The following CREB1 variants were observed in gnomAD, a reference collection of about 807,000 sequenced individuals.
CREB1 encodes the protein cyclic AMP-responsive element-binding protein 1.
CREB1 carries 2 observed loss-of-function variants against 42.0 expected under a neutral mutation model. The observed-to-expected ratio is 0.05, with a 90% CI of 0.02 to 0.15. The LOEUF (loss-of-function observed/expected upper bound fraction) is 0.15, where lower values mean the gene tolerates loss of function less well. Among genes scored for constraint, CREB1 ranks in the 10% least tolerant of loss-of-function variants. The pLI is 1.00. For missense variants in CREB1, 199 were observed against 388.9 expected, an observed-to-expected ratio of 0.51 and a Z score of 4.11; for synonymous variants, 123 against 139.9, an observed-to-expected ratio of 0.88 and a Z score of 0.85.
intron 7 of CREB1, among the ~76,000 whole-genome samples, chr2:207,585,523 C>T (rs1158086341): frequency 6.6e-6 from 1 of 152,176 alleles, no homozygotes; most frequent in East Asian, 1.9e-4. Context: ...ACATAAAATA[C>T]TGAGGAAACA....
At chr2:207,533,705 A>AT (rs889441409) in intron 1 of CREB1, among the ~76,000 whole-genome samples, 184 of 148,668 alleles carry the variant, frequency 1.2e-3, no homozygotes, top group African/African-American at 3.2e-3. Context: ...AAAATGCAGG[A>AT]TTTTTTTTTT....
At chr2:207,581,551 A>G (rs933737227) in intron 7 of CREB1, 11 of 238,402 alleles carry the variant, frequency 4.6e-5, no homozygotes, top group African/African-American at 2.4e-4. Flanking sequence ...AAATGTTAAC[A>G]TTCTAAAGTC....
At chr2:207,586,737 C>T (rs1388299338) in intron 7 of CREB1, among the ~76,000 whole-genome samples, 1 of 152,088 alleles carries the variant, frequency 6.6e-6, no homozygotes, top group African/African-American at 2.4e-5. Context: ...AAAAAGTGGA[C>T]AAAAGGTCTG....
intron 1 of CREB1, among the ~76,000 whole-genome samples, chr2:207,549,560 T>G (rs1474309429): frequency 6.6e-6 from 1 of 152,168 alleles, no homozygotes; most frequent in Non-Finnish European, 1.5e-5. Context: ...TTAAGACATT[T>G]GAAGGATGTA....
intron 1 of CREB1, among the ~76,000 whole-genome samples, chr2:207,534,351 C>T (rs779170175): frequency 4.6e-5 from 7 of 152,200 alleles, no homozygotes; most frequent in Non-Finnish European, 8.8e-5. Context: ...ATTCTCCTGC[C>T]TCAGCCTCCC....
intron 3 of CREB1, among the ~76,000 whole-genome samples, chr2:207,561,543 C>T (rs768021858): frequency 1.9e-4 from 29 of 152,152 alleles, no homozygotes; most frequent in Non-Finnish European, 3.1e-4. Context: ...GTTCTATTCT[C>T]GGAAACTAGA....
At position 207,577,512 on chromosome 2, in the gene CREB1, T is replaced by C. The variant is rs1194494772; in HGVS notation, c.696T>C (p.Ser232=). Residue 232 remains serine (S), a synonymous_variant, in exon 7 of 8, where the codon TCT becomes TCC. Transcript: ENST00000353267. ...GCTCACTGTTTTTTTCAGCTGCCTC[T>C]GGAGACGTACAAACATACCAGATTC... is the stretch of plus-strand genomic sequence containing the variant. ...PSNQVVVQAA[S]GDVQTYQIRT... 1 of 1,613,820 alleles carries C rather than the reference T, an allele frequency of 6.2e-7. No homozygotes were observed.
At chr2:207,574,000 C>G (rs925889203) in intron 5 of CREB1, among the ~76,000 whole-genome samples, 4 of 152,150 alleles carry the variant, frequency 2.6e-5, no homozygotes, top group Non-Finnish European at 5.9e-5. Flanking sequence ...TTTCTCCCTG[C>G]CTAAGATAAG....
chr2:207,550,774 T>G (rs2081473834), intron 1 of CREB1, among the ~76,000 whole-genome samples: 2 of 152,168 alleles, frequency 1.3e-5, no homozygotes, highest in Non-Finnish European at 2.9e-5. Flanking sequence ...TCTGTGCAGG[T>G]CTTGAGTAGA....
chr2:207,558,151 A>G (rs2081806554), intron 2 of CREB1, among the ~76,000 whole-genome samples: 1 of 152,154 alleles, frequency 6.6e-6, no homozygotes, highest in South Asian at 2.1e-4. Context: ...ATAAGTAAGG[A>G]CTTTATTACT....
chr2:207,577,626 A>G lies in CREB1; in HGVS notation c.810A>G (p.Arg270=), dbSNP rs1375962345. The G allele has an allele frequency of 6.2e-7, 1 of 1,613,984 alleles. No individual in the cohort carries two copies. Among genetic ancestry groups the G allele is most frequent in the Admixed American group, 1.7e-5 (1 of 59,972 alleles). Residue 270 remains arginine (R), a synonymous_variant, in exon 7 of 8, where the codon CGA becomes CGG. Coordinates refer to ENST00000353267, the MANE Select transcript of CREB1 (RefSeq NM_004379.5). Reference sequence around the variant, plus strand: ...CACAGCCTGCTGAAGAAGCAGCACGAAAGAGAGAGGTCCGTCTAATGAAGA... The same window carrying G: ...CACAGCCTGCTGAAGAAGCAGCACGGAAGAGAGAGGTCCGTCTAATGAAGA... ...LPTQPAEEAA[R]KREVRLMKNR... is the part of the protein sequence containing the mutation.
intron 3 of CREB1, among the ~76,000 whole-genome samples, chr2:207,562,377 A>C (rs2081987568): frequency 6.6e-6 from 1 of 152,214 alleles, no homozygotes; most frequent in Non-Finnish European, 1.5e-5. Context: ...TTTTATTGTA[A>C]TATGTGTTAT....
At chr2:207,576,042 G>C (rs889745766) in intron 6 of CREB1, among the ~76,000 whole-genome samples, 1 of 146,928 alleles carries the variant, frequency 6.8e-6, no homozygotes, top group Admixed American at 7.1e-5. Flanking sequence ...GCCCAGGCTA[G>C]TCTTGAACTC....
intron 1 of CREB1, among the ~76,000 whole-genome samples, chr2:207,537,285 A>T (rs540942366): frequency 6.6e-6 from 1 of 151,684 alleles, no homozygotes; most frequent in African/African-American, 2.4e-5. Flanking sequence ...TGATCCACCC[A>T]CCTCTGCCTC....
chr2:207,603,835 T>C lies in CREB1; in HGVS notation c.*6777T>C, dbSNP rs2087568516. Among the ~76,000 whole-genome samples the C allele has an allele frequency of 6.6e-6, 1 of 152,216 alleles. No homozygotes were observed. Among genetic ancestry groups the C allele is most frequent in the African/African-American group, 2.4e-5 (1 of 41,452 alleles). On this transcript the variant is annotated 3_prime_UTR_variant, in exon 8 of 8. Transcript: ENST00000353267. ...AAGGGGAGGGGATATGGTTAATCTT[T>C]GCTTAAGCTGTAAGAATAAAAAAGT...
intron 1 of CREB1, among the ~76,000 whole-genome samples, chr2:207,544,995 C>T (rs1292685794): frequency 1.3e-5 from 2 of 152,076 alleles, no homozygotes; most frequent in South Asian, 2.1e-4. Flanking sequence ...TGCATGTCTT[C>T]GCTATTGTGA....
chr2:207,604,168 A>G lies in CREB1; in HGVS notation c.*7110A>G, dbSNP rs187039760. Among the ~76,000 whole-genome samples, 720 of 152,344 alleles carry G rather than the reference A, an allele frequency of 4.7e-3. 4 individuals carry two copies. Among genetic ancestry groups the G allele is most frequent in the Non-Finnish European group, 6.8e-3 (462 of 68,028 alleles). On this transcript the variant is annotated 3_prime_UTR_variant, in exon 8 of 8. Transcript: ENST00000353267. ...GTTCAGGTGCTTGGACCTTCAGGAA[A>G]AGATTGCCCATCTTGTCATTTGACC...
At chr2:207,575,144 CCTT>C in intron 5 of CREB1, 125 bp from the exon 6 acceptor site, 1 of 908,708 alleles carries the variant, frequency 1.1e-6, no homozygotes, top group South Asian at 2.2e-5. Flanking sequence ...TATATTAGAC[CCTT>C]CTTGGTGATG....
chr2:207,560,045 G>A (rs764526005), intron 2 of CREB1, among the ~76,000 whole-genome samples, 181 bp from the exon 3 acceptor site: 12 of 152,024 alleles, frequency 7.9e-5, no homozygotes, highest in Non-Finnish European at 1.2e-4. Context: ...TATAGTTTTT[G>A]GTGTTTTTTA....
Sources: gnomAD v4.1 joint callset for allele counts (sites outside exome capture counted in the v4.1 genomes callset) on GRCh38, gnomAD v4.1.1 for gene constraint, MANE v1.5 for transcripts, NCBI Gene and HGNC (gene_info 2026-07-23, HGNC 2026-07-21) for gene names.